The following LRBA variants were observed in gnomAD, a reference collection of about 807,000 sequenced individuals.
The protein encoded by LRBA is lipopolysaccharide-responsive and beige-like anchor protein.
A neutral mutation model predicts 330.0 loss-of-function variants in LRBA; 176 were observed. The observed-to-expected ratio is 0.53, with a 90% CI of 0.47 to 0.60. LRBA has a LOEUF of 0.60. LRBA is among the 20% of genes least tolerant of loss of function. The probability of loss-of-function intolerance (pLI) is 0.00; values close to 1 mark genes in which losing one functional copy is unlikely to be tolerated. For synonymous variants in LRBA, 1,230 were observed against 1,193.0 expected (o/e 1.03, Z -0.64); for missense variants, 3,259 against 3,444.8 (o/e 0.95, Z 1.35).
At position 150,684,820 on chromosome 4, in the gene LRBA, C is replaced by T. The variant is rs77538839; in HGVS notation, c.5755-1103G>A. Among the ~76,000 whole-genome samples the T allele has an allele frequency of 6.5e-3, 996 of 152,080 alleles. 14 individuals are homozygous for T. The highest frequency in any genetic ancestry group is 0.022 in the African/African-American group (931 of 41,474). ...GGGATAAATATTTCTAGTTTACATA[C>T]GGAATATGCATTGTGGATGCTTGCC... On this transcript the variant is annotated intron_variant, in intron 36 of 56. Coordinates refer to ENST00000651943, the MANE Select transcript of LRBA (RefSeq NM_001364905.1).
At chr4:150,768,754 G>A (rs1233058376) in intron 34 of LRBA, among the ~76,000 whole-genome samples, 1 of 151,406 alleles carries the variant, frequency 6.6e-6, no homozygotes, top group African/African-American at 2.4e-5. Flanking sequence ...CTTCTGTGAT[G>A]ACAGACACCA....
intron 54 of LRBA, among the ~76,000 whole-genome samples, chr4:150,283,833 C>G (rs550893568): frequency 1.7e-4 from 26 of 152,316 alleles, no homozygotes; most frequent in African/African-American, 5.8e-4. Flanking sequence ...GCATCATCAT[C>G]ATCAGTGACC....
chr4:150,735,411 C>A (rs369395761), intron 35 of LRBA, 45 bp from the exon 36 acceptor site: 17 of 1,225,000 alleles, frequency 1.4e-5, no homozygotes, highest in Non-Finnish European at 2.1e-5. Context: ...TATACACACA[C>A]AACATAAATG....
At chr4:150,592,543 C>T (rs989676315) in intron 38 of LRBA, among the ~76,000 whole-genome samples, 2 of 152,176 alleles carry the variant, frequency 1.3e-5, no homozygotes, top group East Asian at 3.8e-4. Context: ...TTCATACTCA[C>T]AGGCTGCATT....
At chr4:150,340,025 T>G (rs942265958) in intron 48 of LRBA, among the ~76,000 whole-genome samples, 15 of 152,074 alleles carry the variant, frequency 9.9e-5, no homozygotes, top group African/African-American at 3.6e-4. Context: ...CGAGATCTGA[T>G]GGTTTTATAA....
chr4:150,361,453 A>T (rs1347191920), intron 47 of LRBA, among the ~76,000 whole-genome samples: 1 of 152,100 alleles, frequency 6.6e-6, no homozygotes, highest in Non-Finnish European at 1.5e-5. Flanking sequence ...TTTTGCAAAG[A>T]TTACTAACTG....
chr4:150,515,367 A>C lies in LRBA; in HGVS notation c.6331-24332T>G, dbSNP rs553270316. 4.6e-5 allele frequency among the ~76,000 whole-genome samples: 7 copies of C among 152,312 alleles called. No individual in the cohort carries two copies. In the East Asian group the frequency reaches 1.4e-3, roughly 29 times the overall value. On this transcript the variant is annotated intron_variant, in intron 40 of 56. Transcript: ENST00000651943. ...TGATCAAATTCAGGAACCACCACTAAAGAAAAAAAGTTAGTAAAACAGGAG... is the reference window on the plus strand; with the variant it reads ...TGATCAAATTCAGGAACCACCACTACAGAAAAAAAGTTAGTAAAACAGGAG...
chr4:150,978,910 A>C (rs1253872709), intron 2 of LRBA, among the ~76,000 whole-genome samples: 1 of 152,196 alleles, frequency 6.6e-6, no homozygotes, highest in African/African-American at 2.4e-5. Context: ...CCTCAAAAGG[A>C]CAAATCTGAG....
chr4:150,853,385 C>T (rs1276680628), intron 22 of LRBA, among the ~76,000 whole-genome samples: 2 of 152,174 alleles, frequency 1.3e-5, no homozygotes, highest in African/African-American at 2.4e-5. Context: ...ATTATGCTCA[C>T]CATTACAGTA....
chr4:150,774,594 G>A (rs1737016791), intron 34 of LRBA, among the ~76,000 whole-genome samples: 1 of 152,254 alleles, frequency 6.6e-6, no homozygotes. Context: ...TGAACGGGAA[G>A]TATAAGGATA....
chr4:150,548,020 T>C (rs1487053098), intron 40 of LRBA, among the ~76,000 whole-genome samples: 2 of 152,168 alleles, frequency 1.3e-5, no homozygotes, highest in Non-Finnish European at 2.9e-5. Flanking sequence ...TTTCTCTACA[T>C]ACATATTTTC....
chr4:150,405,218 A>C (rs1245314336), intron 47 of LRBA, among the ~76,000 whole-genome samples: 1 of 152,236 alleles, frequency 6.6e-6, no homozygotes, highest in Non-Finnish European at 1.5e-5. Context: ...AGTGAGGAAC[A>C]AAAAGCTCTA....
chr4:150,687,357 A>G (rs1198565751), intron 36 of LRBA, among the ~76,000 whole-genome samples: 1 of 152,102 alleles, frequency 6.6e-6, no homozygotes, highest in Non-Finnish European at 1.5e-5. Context: ...TGGAGGTACA[A>G]GAGACCTTAA....
At chr4:150,826,327 G>A (rs1481534511) in intron 30 of LRBA, among the ~76,000 whole-genome samples, 2 of 152,128 alleles carry the variant, frequency 1.3e-5, no homozygotes, top group Non-Finnish European at 2.9e-5. Context: ...GGGATGGGGG[G>A]GAAGCCACAA....
intron 37 of LRBA, among the ~76,000 whole-genome samples, chr4:150,637,255 T>C (rs1418157941): frequency 6.6e-6 from 1 of 152,058 alleles, no homozygotes; most frequent in Non-Finnish European, 1.5e-5. Flanking sequence ...AAAACTGGGG[T>C]TTATTTTGGG....
chr4:150,491,807 T>C (rs370601781), intron 40 of LRBA, among the ~76,000 whole-genome samples: 21 of 152,256 alleles, frequency 1.4e-4, no homozygotes, highest in African/African-American at 4.3e-4. Flanking sequence ...TTTCAAAACG[T>C]TCATTTCAAA....
chr4:150,785,217 G>A (rs1314641943), intron 34 of LRBA, among the ~76,000 whole-genome samples: 12 of 152,132 alleles, frequency 7.9e-5, no homozygotes, highest in Admixed American at 3.9e-4. Context: ...GAGTTAGTTC[G>A]GGGCGGGGGC....
chr4:150,862,324 G>A lies in LRBA; in HGVS notation c.2766+5347C>T, dbSNP rs571455167. Among the ~76,000 whole-genome samples, 186 of 152,274 alleles carry A rather than the reference G, an allele frequency of 1.2e-3. 5 individuals are homozygous for A. In the East Asian group the frequency reaches 0.033, roughly 27 times the overall value. Reference sequence around the variant, plus strand: ...ACTGGATTAAGAAAATGTGGCACATGCACACCATGGAATACTATGCAGCCA... The same window carrying A: ...ACTGGATTAAGAAAATGTGGCACATACACACCATGGAATACTATGCAGCCA... On this transcript the variant is annotated intron_variant, in intron 22 of 56. Transcript: ENST00000651943.
chr4:150,763,660 AT>A (rs1025433476), intron 34 of LRBA, among the ~76,000 whole-genome samples: 7 of 150,276 alleles, frequency 4.7e-5, no homozygotes, highest in East Asian at 3.9e-4. Context: ...GAAACCTCAA[AT>A]TTTTTTTTTA....
Sources: allele counts gnomAD v4.1 joint callset (sites outside exome capture counted in the v4.1 genomes callset), GRCh38; gene constraint gnomAD v4.1.1; transcripts MANE v1.5; gene names NCBI Gene and HGNC (gene_info 2026-07-23, HGNC 2026-07-21).